Variants in SLC4A10 observed in about 807,000 individuals in gnomAD.
SLC4A10 encodes the protein sodium-driven chloride bicarbonate exchanger.
In SLC4A10, 42 loss-of-function variants were observed where a neutral mutation model predicts 137.7. The observed-to-expected ratio is 0.30, with a 90% confidence interval of 0.24 to 0.39. The LOEUF (loss-of-function observed/expected upper bound fraction) is 0.39, where lower values mean the gene tolerates loss of function less well. Ranked by LOEUF, SLC4A10 falls within the 10% of genes least tolerant of loss-of-function variation. The pLI is 1.00. For synonymous variants in SLC4A10, 474 were observed against 464.1 expected (o/e 1.02, Z -0.27); for missense variants, 925 against 1,355.0 (o/e 0.68, Z 4.98).
intron 1 of SLC4A10, among the ~76,000 whole-genome samples, chr2:161,628,283 T>A (rs1315188269): frequency 6.6e-6 from 1 of 152,050 alleles, no homozygotes; most frequent in African/African-American, 2.4e-5. Context: ...TGAGTCTACT[T>A]TGGATCCCTT....
chr2:161,644,035 T>C (rs1403811612), intron 1 of SLC4A10, among the ~76,000 whole-genome samples: 1 of 151,572 alleles, frequency 6.6e-6, no homozygotes, highest in African/African-American at 2.4e-5. Context: ...TTGTTTGCTA[T>C]ACAAAGTCAC....
chr2:161,727,333 T>C (rs1392887166), intron 1 of SLC4A10, among the ~76,000 whole-genome samples: 3 of 152,172 alleles, frequency 2.0e-5, no homozygotes, highest in Admixed American at 6.5e-5. Flanking sequence ...CCAAATACTT[T>C]ACAGTGTGCT....
chr2:161,797,604 T>C (rs1345747491), intron 2 of SLC4A10, among the ~76,000 whole-genome samples: 3 of 152,018 alleles, frequency 2.0e-5, no homozygotes, highest in East Asian at 1.9e-4. Flanking sequence ...TAAGCTGTTT[T>C]ATAATATACC....
At chr2:161,774,369 T>C (rs1195274872) in intron 2 of SLC4A10, among the ~76,000 whole-genome samples, 1 of 151,936 alleles carries the variant, frequency 6.6e-6, no homozygotes, top group Non-Finnish European at 1.5e-5. Context: ...TTAGTATAGG[T>C]ACATCCCATG....
At chr2:161,848,311 A>G (rs1297288204) in intron 4 of SLC4A10, among the ~76,000 whole-genome samples, 2 of 152,020 alleles carry the variant, frequency 1.3e-5, no homozygotes, top group African/African-American at 2.4e-5. Flanking sequence ...GTTTGCAAAC[A>G]TTTTCTCCTA....
intron 3 of SLC4A10, among the ~76,000 whole-genome samples, chr2:161,837,165 A>T (rs991495889): frequency 2.0e-5 from 3 of 152,336 alleles, no homozygotes; most frequent in Admixed American, 6.5e-5. Flanking sequence ...AAAAAATAAA[A>T]TGGTTCATAT....
chr2:161,827,179 G>C (rs373316499), intron 3 of SLC4A10, among the ~76,000 whole-genome samples: 6 of 152,118 alleles, frequency 3.9e-5, no homozygotes, highest in Non-Finnish European at 8.8e-5. Context: ...TACTTCTCCA[G>C]TGTTGAGTCT....
At chr2:161,725,192 G>C (rs58219712) in intron 1 of SLC4A10, among the ~76,000 whole-genome samples, 90 of 152,258 alleles carry the variant, frequency 5.9e-4, no homozygotes, top group African/African-American at 1.8e-3. Flanking sequence ...AAGTGAAATT[G>C]AGGAATTTTA....
chr2:161,929,048 C>G (rs949420263), intron 15 of SLC4A10, among the ~76,000 whole-genome samples: 3 of 151,980 alleles, frequency 2.0e-5, no homozygotes, highest in African/African-American at 7.3e-5. Flanking sequence ...TCAAAATATG[C>G]AAATAACTTT....
Position 161,938,867 on chromosome 2 carries a change from G to A in SLC4A10, c.1998-3925G>A, listed in dbSNP as rs532449048. On this transcript the variant is annotated intron_variant, in intron 15 of 26. Transcript: ENST00000446997. ...TCAAAATAGTCCATACATATCCTAG[G>A]GAAAAAAAACCCCACAAATAGTACA... Among the ~76,000 whole-genome samples, 631 of 149,964 alleles carry A rather than the reference G, an allele frequency of 4.2e-3. 2 individuals carry two copies. The highest frequency in any genetic ancestry group is 0.015 in the African/African-American group (604 of 40,748).
chr2:161,737,101 C>T (rs1218339822), intron 1 of SLC4A10, among the ~76,000 whole-genome samples: 3 of 152,036 alleles, frequency 2.0e-5, no homozygotes, highest in African/African-American at 7.2e-5. Flanking sequence ...TCAAGAGATC[C>T]TCCCACCTCA....
rs376558227 is a variant in SLC4A10, at chr2:161,755,123, C to G, written c.49-15850C>G. On this transcript the variant is annotated intron_variant, in intron 1 of 26. Transcript: ENST00000446997. ...CAAAAAAAATAAATTATACATCAGACTCATTGAACACAATTTTTGCTACAA... is the reference window on the plus strand; with the variant it reads ...CAAAAAAAATAAATTATACATCAGAGTCATTGAACACAATTTTTGCTACAA... Among the ~76,000 whole-genome samples, 16 of 152,292 alleles carry G rather than the reference C, an allele frequency of 1.1e-4. No individual in the cohort carries two copies. The East Asian group carries it at 2.3e-3, about 22-fold the overall frequency.
chr2:161,737,048 A>G (rs889138159), intron 1 of SLC4A10, among the ~76,000 whole-genome samples: 6 of 151,592 alleles, frequency 4.0e-5, no homozygotes, highest in Non-Finnish European at 7.4e-5. Context: ...CCATGGAGAC[A>G]GTGTCTCACC....
At chr2:161,831,751 A>G (rs531490774) in intron 3 of SLC4A10, among the ~76,000 whole-genome samples, 1 of 152,292 alleles carries the variant, frequency 6.6e-6, no homozygotes, top group Non-Finnish European at 1.5e-5. Flanking sequence ...ATGGGCAAAT[A>G]AAATCGGGAA....
chr2:161,762,518 A>G (rs560083968), intron 1 of SLC4A10, among the ~76,000 whole-genome samples: 9 of 152,242 alleles, frequency 5.9e-5, no homozygotes, highest in Non-Finnish European at 1.2e-4. Context: ...GGTAATGAAC[A>G]AATGGAATGA....
intron 1 of SLC4A10, among the ~76,000 whole-genome samples, chr2:161,745,565 G>C (rs1438772070): frequency 6.6e-6 from 1 of 151,952 alleles, no homozygotes; most frequent in Non-Finnish European, 1.5e-5. Context: ...TTGGTCACTG[G>C]TGCCTTCTTT....
chr2:161,889,759 G>A (rs560264354), intron 10 of SLC4A10, among the ~76,000 whole-genome samples: 3 of 152,000 alleles, frequency 2.0e-5, no homozygotes, highest in Admixed American at 2.0e-4. Flanking sequence ...TTTTTTTGAA[G>A]GGTTTTTGTG....
In SLC4A10 at chr2:161,977,353, A is replaced by AAAC. The variant is rs779106279; in HGVS notation, c.3345-368_3345-366dup. 7.6e-5 allele frequency: 35 copies of AAAC among 460,666 alleles called. No homozygotes were observed. The East Asian group carries it at 9.3e-4, about 12-fold the overall frequency. 28.5% of individuals were successfully genotyped at this position (460,666 alleles called of 1,614,324 possible). On this transcript the variant is annotated intron_variant, in intron 25 of 26. Transcript: ENST00000446997. ...AGTCTTCCCTAAACTTCTTATCCCAAAACTTTCAACTCCTGAAAGTTCTAT... is the reference window on the plus strand; with the variant it reads ...AGTCTTCCCTAAACTTCTTATCCCAAAACAACTTTCAACTCCTGAAAGTTCTAT...
chr2:161,878,998 A>T (rs1371317439), intron 8 of SLC4A10, 133 bp from the exon 9 acceptor site: 1 of 686,242 alleles, frequency 1.5e-6, no homozygotes, highest in East Asian at 3.1e-5. Flanking sequence ...AGGGCAAATG[A>T]GATGTTTAAC....
Sources: allele counts gnomAD v4.1 joint callset (sites outside exome capture counted in the v4.1 genomes callset), GRCh38; gene constraint gnomAD v4.1.1; transcripts MANE v1.5; gene names NCBI Gene and HGNC (gene_info 2026-07-23, HGNC 2026-07-21).